The following EFNA5 variants were observed in gnomAD, a reference collection of about 807,000 sequenced individuals.
EFNA5 encodes ephrin-A5.
A neutral mutation model predicts 22.9 loss-of-function variants in EFNA5; 5 were observed. The observed-to-expected ratio is 0.22, with a 90% CI of 0.11 to 0.46. EFNA5 has a LOEUF of 0.46. EFNA5 is among the 20% of genes least tolerant of loss of function. The pLI is 0.99. For missense variants in EFNA5, 237 were observed against 293.3 expected, an observed-to-expected ratio of 0.81 and a Z score of 1.40; for synonymous variants, 113 against 112.2, an observed-to-expected ratio of 1.01 and a Z score of -0.04.
In EFNA5 at chr5:107,518,467, G is replaced by A. The variant is rs1234925410; in HGVS notation, c.126-90958C>T. Among the ~76,000 whole-genome samples the A allele has an allele frequency of 2.0e-5, 3 of 151,948 alleles. No individual in the cohort carries two copies. The East Asian group carries it at 5.8e-4, about 29-fold the overall frequency. ...GCTTAATAGAAGGGCAGCCACTGTG[G>A]AGAACAATGGAACAGGCAAAGCCTG... On this transcript the variant is annotated intron_variant, in intron 1 of 4. Coordinates refer to ENST00000333274, the MANE Select transcript of EFNA5 (RefSeq NM_001962.3).
At chr5:107,565,793 C>A (rs1561434695) in intron 1 of EFNA5, among the ~76,000 whole-genome samples, 1 of 152,096 alleles carries the variant, frequency 6.6e-6, no homozygotes, top group Non-Finnish European at 1.5e-5. Flanking sequence ...CTATAAATCA[C>A]AAAATAGCTG....
chr5:107,635,899 A>C (rs1750363191), intron 1 of EFNA5, among the ~76,000 whole-genome samples: 1 of 152,248 alleles, frequency 6.6e-6, no homozygotes, highest in Non-Finnish European at 1.5e-5. Flanking sequence ...GATTGTGGGC[A>C]AATGAAACTT....
intron 1 of EFNA5, among the ~76,000 whole-genome samples, chr5:107,496,927 T>C (rs1043133616): frequency 6.6e-6 from 1 of 152,232 alleles, no homozygotes; most frequent in Non-Finnish European, 1.5e-5. Flanking sequence ...GTCATATCCA[T>C]TTAGAGTCTT....
At chr5:107,403,575 A>T (rs1748139950) in intron 2 of EFNA5, among the ~76,000 whole-genome samples, 1 of 152,268 alleles carries the variant, frequency 6.6e-6, no homozygotes, top group Non-Finnish European at 1.5e-5. Context: ...TCACAATAAT[A>T]AAATAGTTAT....
At chr5:107,563,904 G>T (rs1056060972) in intron 1 of EFNA5, among the ~76,000 whole-genome samples, 1 of 152,122 alleles carries the variant, frequency 6.6e-6, no homozygotes, top group Non-Finnish European at 1.5e-5. Context: ...AGTCTTGTTC[G>T]CAAGTCATCA....
Position 107,378,652 on chromosome 5 carries a change from T to C in EFNA5, c.*2603A>G, listed in dbSNP as rs1747344018. On this transcript the variant is annotated 3_prime_UTR_variant, in exon 5 of 5. Coordinates refer to ENST00000333274, the MANE Select transcript of EFNA5 (RefSeq NM_001962.3). ...TTACTGTCTACTGGTGTGGACACTC[T>C]TGCTATTTTCTTTATACTTAATTTG... The C allele has an allele frequency of 6.6e-6, 1 of 152,194 alleles. No homozygotes were observed. Among genetic ancestry groups the C allele is most frequent in the African/African-American group, 2.4e-5 (1 of 41,448 alleles). 9.4% of individuals were successfully genotyped at this position (152,194 alleles called of 1,614,324 possible).
chr5:107,463,886 C>A (rs1324365908), intron 1 of EFNA5, among the ~76,000 whole-genome samples: 3 of 152,162 alleles, frequency 2.0e-5, no homozygotes, highest in African/African-American at 7.2e-5. Flanking sequence ...TGAAGTCACA[C>A]TCACCGAGCT....
intron 2 of EFNA5, among the ~76,000 whole-genome samples, chr5:107,406,337 A>G (rs1748220689): frequency 6.6e-6 from 1 of 152,018 alleles, no homozygotes; most frequent in Middle Eastern, 3.2e-3. Context: ...GCACATGTCT[A>G]CGTTCCTTTC....
At chr5:107,631,406 T>C (rs1487557151) in intron 1 of EFNA5, among the ~76,000 whole-genome samples, 3 of 151,952 alleles carry the variant, frequency 2.0e-5, no homozygotes, top group Non-Finnish European at 4.4e-5. Context: ...GTGTCTTTCA[T>C]ATATATACAT....
chr5:107,463,320 CAT>C (rs1426602584), intron 1 of EFNA5, among the ~76,000 whole-genome samples: 1 of 151,996 alleles, frequency 6.6e-6, no homozygotes, highest in Non-Finnish European at 1.5e-5. Context: ...TTATATATAA[CAT>C]ATTCTGGATG....
intron 2 of EFNA5, among the ~76,000 whole-genome samples, chr5:107,408,345 A>G (rs1229070080): frequency 6.6e-6 from 1 of 152,214 alleles, no homozygotes; most frequent in South Asian, 2.1e-4. Flanking sequence ...CAAAATTTTC[A>G]ACTACTTTTG....
At chr5:107,520,366 C>A (rs186248396) in intron 1 of EFNA5, among the ~76,000 whole-genome samples, 1 of 152,226 alleles carries the variant, frequency 6.6e-6, no homozygotes, top group East Asian at 1.9e-4. Flanking sequence ...ATTCAAGAAA[C>A]CAGTTACTAA....
At chr5:107,424,534 G>T (rs913000937) in intron 2 of EFNA5, among the ~76,000 whole-genome samples, 7 of 151,802 alleles carry the variant, frequency 4.6e-5, no homozygotes, top group Non-Finnish European at 1.0e-4. Flanking sequence ...TTTTTCTAGG[G>T]AAAGTAAGAA....
At chr5:107,410,427 T>C (rs961960367) in intron 2 of EFNA5, among the ~76,000 whole-genome samples, 1 of 152,172 alleles carries the variant, frequency 6.6e-6, no homozygotes, top group African/African-American at 2.4e-5. Flanking sequence ...AAGGACTAGA[T>C]GATGAATGGT....
chr5:107,591,926 A>ATATATT (rs1397383347), intron 1 of EFNA5, among the ~76,000 whole-genome samples: 1 of 7,946 alleles, frequency 1.3e-4, no homozygotes, highest in Non-Finnish European at 1.8e-4. Context: ...ATATATATAT[A>ATATATT]ATATATAATA....
intron 1 of EFNA5, among the ~76,000 whole-genome samples, chr5:107,479,459 T>TAA (rs77898266): frequency 8.3e-5 from 12 of 145,110 alleles, no homozygotes; most frequent in African/African-American, 2.3e-4. Flanking sequence ...AAAACACATT[T>TAA]AAAAAAAAAA....
chr5:107,465,776 A>G (rs1410851506), intron 1 of EFNA5, among the ~76,000 whole-genome samples: 1 of 152,018 alleles, frequency 6.6e-6, no homozygotes, highest in Non-Finnish European at 1.5e-5. Context: ...GTGTCTTAGT[A>G]TATCACGAGG....
At chr5:107,509,160 T>C (rs1747310003) in intron 1 of EFNA5, among the ~76,000 whole-genome samples, 1 of 152,218 alleles carries the variant, frequency 6.6e-6, no homozygotes, top group South Asian at 2.1e-4. Context: ...TAGTCTCTAA[T>C]GCAATTTTGC....
chr5:107,463,062 A>T (rs1205426710), intron 1 of EFNA5, among the ~76,000 whole-genome samples: 1 of 152,118 alleles, frequency 6.6e-6, no homozygotes, highest in Non-Finnish European at 1.5e-5. Flanking sequence ...CGGGGGATGG[A>T]GTAGCTGAGA....
Sources: gnomAD v4.1 joint callset for allele counts (sites outside exome capture counted in the v4.1 genomes callset) on GRCh38, gnomAD v4.1.1 for gene constraint, MANE v1.5 for transcripts, NCBI Gene and HGNC (gene_info 2026-07-23, HGNC 2026-07-21) for gene names.